PTPN14: variants seen among roughly 807,000 people sequenced by gnomAD.
The protein encoded by PTPN14 is tyrosine-protein phosphatase non-receptor type 14.
A neutral mutation model predicts 126.8 loss-of-function variants in PTPN14; 53 were observed. The ratio of observed to expected loss-of-function variants is 0.42; its 90% confidence interval spans 0.34 to 0.53. The LOEUF is 0.53. PTPN14 is among the 20% of genes least tolerant of loss of function. PTPN14 has a pLI of 0.08. For synonymous variants in PTPN14, 630 were observed against 599.3 expected, an observed-to-expected ratio of 1.05 and a Z score of -0.75; for missense variants, 1,257 against 1,552.9, an observed-to-expected ratio of 0.81 and a Z score of 3.20.
At chr1:214,536,205 C>T (rs1424523120) in intron 1 of PTPN14, among the ~76,000 whole-genome samples, 1 of 151,576 alleles carries the variant, frequency 6.6e-6, no homozygotes, top group Non-Finnish European at 1.5e-5. Flanking sequence ...GCCAGGAGTT[C>T]GAGACCAGCC....
chr1:214,363,597 C>A (rs907567067), intron 18 of PTPN14, among the ~76,000 whole-genome samples: 1 of 152,088 alleles, frequency 6.6e-6, no homozygotes, highest in Admixed American at 6.6e-5. Flanking sequence ...AACTCTGGAC[C>A]CAGACACAGA....
intron 1 of PTPN14, chr1:214,532,530 GAGA>G: frequency 2.0e-6 from 2 of 1,014,068 alleles, no homozygotes; most frequent in East Asian, 2.4e-5. Flanking sequence ...GGAGCACCTG[GAGA>G]AGAAGGGACC....
intron 1 of PTPN14, among the ~76,000 whole-genome samples, chr1:214,512,857 A>C (rs1655011264): frequency 6.6e-6 from 1 of 152,008 alleles, no homozygotes; most frequent in African/African-American, 2.4e-5. Flanking sequence ...TGCCCGGTTA[A>C]TTTTTGTGTT....
intron 15 of PTPN14, among the ~76,000 whole-genome samples, chr1:214,374,727 G>T (rs1658300910): frequency 6.6e-6 from 1 of 152,228 alleles, no homozygotes; most frequent in Non-Finnish European, 1.5e-5. Context: ...CGGATCCACA[G>T]GATGAAATGT....
intron 3 of PTPN14, among the ~76,000 whole-genome samples, chr1:214,433,611 G>C (rs149493036): frequency 6.6e-6 from 1 of 152,010 alleles, no homozygotes; most frequent in Admixed American, 6.6e-5. Context: ...AAGCAAGAAT[G>C]TAACAACAAG....
chr1:214,443,515 T>C (rs1392457329), intron 3 of PTPN14, among the ~76,000 whole-genome samples: 2 of 152,062 alleles, frequency 1.3e-5, no homozygotes, highest in African/African-American at 2.4e-5. Flanking sequence ...TAACAGTAGA[T>C]TCAAATCAGT....
chr1:214,503,996 C>T lies in PTPN14; in HGVS notation c.-154-39039G>A, dbSNP rs187121328. On this transcript the variant is annotated intron_variant, in intron 1 of 18. Coordinates refer to ENST00000366956, the MANE Select transcript of PTPN14 (RefSeq NM_005401.5). Reference sequence around the variant, plus strand: ...AGAAGTGTGAGAAATAGTCAGGAAACTTGGGTGCCTTCCTCAAACACACCT... The same window carrying T: ...AGAAGTGTGAGAAATAGTCAGGAAATTTGGGTGCCTTCCTCAAACACACCT... Among the ~76,000 whole-genome samples the T allele has an allele frequency of 1.2e-3, 189 of 152,280 alleles. 1 individual carries two copies. The highest frequency in any genetic ancestry group is 4.2e-3 in the African/African-American group (176 of 41,552).
chr1:214,395,684 C>G (rs1022295080), intron 8 of PTPN14, among the ~76,000 whole-genome samples: 25 of 150,816 alleles, frequency 1.7e-4, no homozygotes, highest in African/African-American at 5.8e-4. Context: ...AGGAGATACA[C>G]CAAAATAAGC....
chr1:214,490,697 C>A (rs1661209316), intron 1 of PTPN14, among the ~76,000 whole-genome samples: 1 of 150,968 alleles, frequency 6.6e-6, no homozygotes, highest in South Asian at 2.1e-4. Flanking sequence ...GTTAGCCAGG[C>A]GTGGTGGTGC....
At chr1:214,449,824 C>A (rs570238763) in intron 3 of PTPN14, among the ~76,000 whole-genome samples, 1 of 147,288 alleles carries the variant, frequency 6.8e-6, no homozygotes, top group African/African-American at 2.5e-5. Context: ...ACTTACAATA[C>A]CTTTTGATTT....
In PTPN14 at chr1:214,359,217, C is replaced by CTTT. The variant is rs1055472030; in HGVS notation, c.3436-1170_3436-1168dup. On this transcript the variant is annotated intron_variant, in intron 18 of 18. Transcript: ENST00000366956. ...GCCTTCAACTGAGAACACTTTTTTTCTTTTTTTTTTTTTTGAGACGGAGTC... is the reference window on the plus strand; with the variant it reads ...GCCTTCAACTGAGAACACTTTTTTTCTTTTTTTTTTTTTTTTTGAGACGGAGTC... Among the ~76,000 whole-genome samples the CTTT allele has an allele frequency of 2.8e-5, 4 of 141,122 alleles. No individual in the cohort carries two copies. The South Asian group carries it at 9.2e-4, about 33-fold the overall frequency. 92.6% of individuals were successfully genotyped at this position (141,122 alleles called of 152,430 possible). A position where few individuals can be genotyped will look rare whatever the true frequency, so the allele number is the denominator to read the frequency against.
At chr1:214,490,010 G>A (rs1365971259) in intron 1 of PTPN14, among the ~76,000 whole-genome samples, 5 of 152,184 alleles carry the variant, frequency 3.3e-5, no homozygotes, top group African/African-American at 4.8e-5. Context: ...ATAAATGTTA[G>A]TTACTAGTAA....
rs183650047 is a variant in PTPN14 at position 214,459,532 on chromosome 1, C to T, written c.174+5098G>A. ...GTCACCAAGCTGGAGTGCAGTGGCG[C>T]GATCTTGGTTCACTGCAACCTCCAA... On this transcript the variant is annotated intron_variant, in intron 2 of 18. Coordinates refer to ENST00000366956, the MANE Select transcript of PTPN14 (RefSeq NM_005401.5). Among the ~76,000 whole-genome samples the T allele has an allele frequency of 1.2e-4, 17 of 144,952 alleles. No homozygotes were observed. The East Asian group carries it at 1.9e-3, about 16-fold the overall frequency.
At chr1:214,454,914 C>A (rs193157342) in intron 2 of PTPN14, among the ~76,000 whole-genome samples, 86 of 151,404 alleles carry the variant, frequency 5.7e-4, no homozygotes, top group Non-Finnish European at 1.0e-3. Context: ...AACATCCTAA[C>A]TTTAGAACTG....
At chr1:214,509,276 T>A (rs1654913456) in intron 1 of PTPN14, among the ~76,000 whole-genome samples, 1 of 152,246 alleles carries the variant, frequency 6.6e-6, no homozygotes. Context: ...ATCTTCTGGA[T>A]AACTTGCTGC....
chr1:214,548,137 T>C (rs1656018602), intron 1 of PTPN14, among the ~76,000 whole-genome samples: 1 of 152,190 alleles, frequency 6.6e-6, no homozygotes, highest in Non-Finnish European at 1.5e-5. Flanking sequence ...AGATCCATTT[T>C]GCAGATGAAG....
intron 5 of PTPN14, 68 bp from the exon 6 acceptor site, chr1:214,403,021 T>G: frequency 6.8e-7 from 1 of 1,464,222 alleles, no homozygotes; most frequent in Non-Finnish European, 9.6e-7. Flanking sequence ...TTGCAAATCT[T>G]AAAGCTCCCT....
intron 18 of PTPN14, among the ~76,000 whole-genome samples, chr1:214,363,350 G>T (rs1251935736): frequency 1.3e-5 from 2 of 152,152 alleles, no homozygotes; most frequent in Admixed American, 1.3e-4. Flanking sequence ...TTTCCTGGAT[G>T]ATTCAATATG....
At chr1:214,379,741 C>T (rs775620655) in intron 13 of PTPN14, among the ~76,000 whole-genome samples, 21 of 152,236 alleles carry the variant, frequency 1.4e-4, no homozygotes, top group Non-Finnish European at 2.1e-4. Context: ...CTACCTGTGA[C>T]GTGGAAGCCC....
Sources: gnomAD v4.1 joint callset for allele counts (sites outside exome capture counted in the v4.1 genomes callset) on GRCh38, gnomAD v4.1.1 for gene constraint, MANE v1.5 for transcripts, NCBI Gene and HGNC (gene_info 2026-07-23, HGNC 2026-07-21) for gene names.